Variants in PTPN2 observed in about 807,000 individuals in gnomAD.
The protein encoded by PTPN2 is tyrosine-protein phosphatase non-receptor type 2.
In PTPN2, 19 loss-of-function variants were observed where a neutral mutation model predicts 57.3. That is an observed-to-expected ratio of 0.33 (90% CI 0.23 to 0.49). PTPN2 has a LOEUF of 0.49. Among genes scored for constraint, PTPN2 ranks in the 20% least tolerant of loss-of-function variants. The probability of loss-of-function intolerance (pLI) is 0.99; values close to 1 mark genes in which losing one functional copy is unlikely to be tolerated. For missense variants in PTPN2, 358 were observed against 501.1 expected, an observed-to-expected ratio of 0.71 and a Z score of 2.73; for synonymous variants, 153 against 164.9, an observed-to-expected ratio of 0.93 and a Z score of 0.55.
chr18:12,808,358 A>C (rs1442140600), intron 7 of PTPN2, among the ~76,000 whole-genome samples: 1 of 152,196 alleles, frequency 6.6e-6, no homozygotes, highest in Non-Finnish European at 1.5e-5. Flanking sequence ...AGGATTTTGA[A>C]CGTTTTCACC....
Position 12,820,032 on chromosome 18 carries a change from T to C in PTPN2, c.496-2667A>G, listed in dbSNP as rs571536447. ...TACCCCTACGGGGTCCTGCGCACAA[T>C]TACTTCATCAAGTCCTGGCTCAAAC... On this transcript the variant is annotated intron_variant, in intron 5 of 8. Transcript: ENST00000309660. Among the ~76,000 whole-genome samples, 7 of 152,282 alleles carry C rather than the reference T, an allele frequency of 4.6e-5. No homozygotes were observed. The East Asian group carries it at 1.4e-3, about 29-fold the overall frequency.
downstream of PTPN2, among the ~76,000 whole-genome samples, chr18:12,788,481 C>T (rs1384941900): frequency 7.8e-6 from 1 of 128,460 alleles, no homozygotes; most frequent in East Asian, 2.5e-4. Context: ...CCGTGTTGCC[C>T]AGGCTGGTCT....
chr18:12,800,362 G>A (rs1036906022), intron 8 of PTPN2, among the ~76,000 whole-genome samples: 1 of 152,084 alleles, frequency 6.6e-6, no homozygotes, highest in African/African-American at 2.4e-5. Context: ...CTAGATAAAA[G>A]GGGGGAAAAA....
At position 12,844,825 on chromosome 18, in the gene PTPN2, C is replaced by A. The variant is rs370158803; in HGVS notation, c.161-7934G>T. 1.0e-3 allele frequency among the ~76,000 whole-genome samples: 153 copies of A among 152,226 alleles called. 2 individuals are homozygous for A. The Middle Eastern group carries it at 0.01, about 10-fold the overall frequency. On this transcript the variant is annotated intron_variant, in intron 2 of 8. Coordinates refer to ENST00000309660, the MANE Select transcript of PTPN2 (RefSeq NM_002828.4). Reference sequence around the variant, plus strand: ...TCATAGCTAAGAACTCTTCATCTAGCCTTACATCCTGAATTTTCTCCCATT... The same window carrying A: ...TCATAGCTAAGAACTCTTCATCTAGACTTACATCCTGAATTTTCTCCCATT...
chr18:12,857,530 T>TA (rs2043635769), intron 2 of PTPN2, among the ~76,000 whole-genome samples: 1 of 152,204 alleles, frequency 6.6e-6, no homozygotes, highest in Non-Finnish European at 1.5e-5. Flanking sequence ...CAAAAGTTTT[T>TA]AAAAAATTAA....
rs2041010365 is a variant in PTPN2, at chr18:12,792,397, C to T, written c.*1881G>A. 4.3e-6 allele frequency: 1 copy of T among 231,396 alleles called. No individual in the cohort carries two copies. Among genetic ancestry groups the T allele is most frequent in the Non-Finnish European group, 7.1e-6 (1 of 141,214 alleles). The allele number at this position is 231,396 out of a possible 1,614,324, so 14.3% of individuals were successfully genotyped here. A position where few individuals can be genotyped will look rare whatever the true frequency, so the allele number is the denominator to read the frequency against. On this transcript the variant is annotated 3_prime_UTR_variant, in exon 9 of 9. Coordinates refer to ENST00000309660, the MANE Select transcript of PTPN2 (RefSeq NM_002828.4). The stretch of plus-strand genomic sequence containing the variant: ...TCCCGGGTTCAAGTGATTCTCCTGC[C>T]TTAGCCTCCCAAGGAGCTGGGACTA...
At chr18:12,830,178 C>T (rs1484963928) in intron 4 of PTPN2, among the ~76,000 whole-genome samples, 1 of 151,130 alleles carries the variant, frequency 6.6e-6, no homozygotes, top group Non-Finnish European at 1.5e-5. Context: ...GAGATGGAGT[C>T]TCATTCTATC....
intron 1 of PTPN2, among the ~76,000 whole-genome samples, chr18:12,873,785 C>T (rs1470303153): frequency 1.3e-5 from 2 of 152,066 alleles, no homozygotes; most frequent in African/African-American, 4.8e-5. Flanking sequence ...TGCCTGGCTG[C>T]CCAGTCTGGA....
intron 3 of PTPN2, 120 bp from the exon 4 acceptor site, chr18:12,831,161 A>T: frequency 3.4e-6 from 2 of 585,910 alleles, no homozygotes; most frequent in Non-Finnish European, 6.2e-6. Context: ...CGGGCTTATA[A>T]GAAGTAAACC....
At chr18:12,789,153 C>A (rs1173269667), downstream of PTPN2, among the ~76,000 whole-genome samples, 1 of 152,074 alleles carries the variant, frequency 6.6e-6, no homozygotes, top group Non-Finnish European at 1.5e-5. Flanking sequence ...TTCACTGGAA[C>A]AAAGACAGCT....
rs181634773 is a variant in PTPN2, at chr18:12,834,251, C to T, written c.261+2540G>A. Reference sequence around the variant, plus strand: ...CTGAAGCACGAGAATCACTTGAACCCGGGAGGAGGAGGTTGTAGTGAGCTG... The same window carrying T: ...CTGAAGCACGAGAATCACTTGAACCTGGGAGGAGGAGGTTGTAGTGAGCTG... On this transcript the variant is annotated intron_variant, in intron 3 of 8. Transcript: ENST00000309660. Among the ~76,000 whole-genome samples, 63 of 148,416 alleles carry T rather than the reference C, an allele frequency of 4.2e-4. No homozygotes were observed. In the East Asian group the frequency reaches 0.012, roughly 29 times the overall value.
chr18:12,821,829 C>T (rs1467686394), intron 5 of PTPN2, among the ~76,000 whole-genome samples: 2 of 152,046 alleles, frequency 1.3e-5, no homozygotes, highest in Non-Finnish European at 2.9e-5. Flanking sequence ...TTTTTGGTAA[C>T]CAATGGAAGC....
At chr18:12,836,358 C>T (rs1048480258) in intron 3 of PTPN2, among the ~76,000 whole-genome samples, 1 of 152,180 alleles carries the variant, frequency 6.6e-6, no homozygotes, top group African/African-American at 2.4e-5. Flanking sequence ...TCCTTGAAGA[C>T]GACCAGACAC....
At position 12,793,222 on chromosome 18, in the gene PTPN2, A is replaced by T; in HGVS notation, c.*1056T>A. On this transcript the variant is annotated 3_prime_UTR_variant, in exon 9 of 9. Coordinates refer to ENST00000309660, the MANE Select transcript of PTPN2 (RefSeq NM_002828.4). ...TTCATTAAACAGTTTGCTTTAAAAA[A>T]TATTCATTAAGTTAAAATGACAATG... The T allele has an allele frequency of 1.0e-6, 1 of 975,860 alleles. No homozygotes were observed. The highest frequency in any genetic ancestry group is 1.8e-5 in the African/African-American group (1 of 55,120). 60.5% of individuals were successfully genotyped at this position (975,860 alleles called of 1,614,324 possible). A position where few individuals can be genotyped will look rare whatever the true frequency, so the allele number is the denominator to read the frequency against.
intron 1 of PTPN2, among the ~76,000 whole-genome samples, chr18:12,872,709 T>C (rs1328879781): frequency 7.0e-6 from 1 of 142,226 alleles, no homozygotes; most frequent in Non-Finnish European, 1.5e-5. Context: ...TTTCCTCTCA[T>C]AAACATGTTT....
At chr18:12,785,952 A>C in intron 9 of PTPN2, 1 of 934,470 alleles carries the variant, frequency 1.1e-6, no homozygotes, top group Non-Finnish European at 1.7e-6. Context: ...TGAAAAGGTG[A>C]CCAAAAATCA....
At chr18:12,847,518 GTTC>G (rs1392005878) in intron 2 of PTPN2, among the ~76,000 whole-genome samples, 1 of 151,836 alleles carries the variant, frequency 6.6e-6, no homozygotes, top group Non-Finnish European at 1.5e-5. Flanking sequence ...AAGAGTTCTA[GTTC>G]TTCTTCCTTG....
At position 12,794,116 on chromosome 18, in the gene PTPN2, C is replaced by A; in HGVS notation, c.*162G>T. ...TTCAGAGGAACCTGCAGTCAAGAGT[C>A]CTGAGATGTTGGGCTTGTGACTGTA... On this transcript the variant is annotated 3_prime_UTR_variant, in exon 9 of 9. Coordinates refer to ENST00000309660, the MANE Select transcript of PTPN2 (RefSeq NM_002828.4). 1 of 1,446,128 alleles carries A rather than the reference C, an allele frequency of 6.9e-7. No homozygotes were observed. The highest frequency in any genetic ancestry group is 9.0e-7 in the Non-Finnish European group (1 of 1,105,416). The allele number at this position is 1,446,128 out of a possible 1,614,324, so 89.6% of individuals were successfully genotyped here.
chr18:12,794,826 T>C (rs1598728947), intron 8 of PTPN2, among the ~76,000 whole-genome samples: 1 of 152,328 alleles, frequency 6.6e-6, no homozygotes, highest in East Asian at 1.9e-4. Flanking sequence ...TTTTGCCATG[T>C]TGGCCAGGCT....
Sources: gnomAD v4.1 joint callset for allele counts (sites outside exome capture counted in the v4.1 genomes callset) on GRCh38, gnomAD v4.1.1 for gene constraint, MANE v1.5 for transcripts, NCBI Gene and HGNC (gene_info 2026-07-23, HGNC 2026-07-21) for gene names.